The following FAM219A variants were observed in gnomAD, a reference collection of about 807,000 sequenced individuals.
FAM219A encodes the protein protein FAM219A.
In FAM219A, 7 loss-of-function variants were observed where a neutral mutation model predicts 23.4. The observed-to-expected ratio is 0.30, with a 90% CI of 0.17 to 0.56. FAM219A has a LOEUF of 0.56. Ranked by LOEUF, FAM219A falls within the 20% of genes least tolerant of loss-of-function variation. FAM219A has a pLI of 0.92. For synonymous variants in FAM219A, 93 were observed against 99.0 expected (o/e 0.94, Z 0.36); for missense variants, 166 against 246.9 (o/e 0.67, Z 2.20).
chr9:34,456,132 G>A (rs1823721666), intron 1 of FAM219A, among the ~76,000 whole-genome samples: 1 of 152,206 alleles, frequency 6.6e-6, no homozygotes, highest in South Asian at 2.1e-4. Context: ...GGTGGAGGTT[G>A]CATTGGGCCA....
At chr9:34,415,058 CT>C (rs1821948822) in intron 1 of FAM219A, among the ~76,000 whole-genome samples, 1 of 152,088 alleles carries the variant, frequency 6.6e-6, no homozygotes. Flanking sequence ...CTCAAGTGAC[CT>C]CCTGCCTTAG....
intron 1 of FAM219A, among the ~76,000 whole-genome samples, chr9:34,440,806 G>A (rs1231104170): frequency 2.7e-5 from 4 of 150,690 alleles, no homozygotes; most frequent in Non-Finnish European, 5.9e-5. Context: ...AGCCGAGATC[G>A]CGCCACTGCC....
Position 34,400,911 on chromosome 9 carries a change from G to A in FAM219A, c.*53C>T, listed in dbSNP as rs982196425. ...GCTGGGAAGGGGTCGGCCTCTGCCC[G>A]TCCTACCCGGCCCTTGGCGGCCCCG... is the stretch of plus-strand genomic sequence containing the variant. On this transcript the variant is annotated 3_prime_UTR_variant, in exon 6 of 6. Transcript: ENST00000651358. The A allele has an allele frequency of 2.3e-5, 34 of 1,471,120 alleles. No homozygotes were observed. Among genetic ancestry groups the A allele is most frequent in the South Asian group, 1.6e-4 (12 of 73,148 alleles). 91.1% of individuals were successfully genotyped at this position (1,471,120 alleles called of 1,614,324 possible). A position where few individuals can be genotyped will look rare whatever the true frequency, so the allele number is the denominator to read the frequency against.
chr9:34,446,183 A>G (rs1348571834), intron 1 of FAM219A, among the ~76,000 whole-genome samples: 1 of 151,932 alleles, frequency 6.6e-6, no homozygotes, highest in Non-Finnish European at 1.5e-5. Context: ...AAAAAAAAAA[A>G]AAAAATGCGG....
chr9:34,424,004 T>C (rs749591220), intron 1 of FAM219A, among the ~76,000 whole-genome samples: 18 of 151,838 alleles, frequency 1.2e-4, no homozygotes, highest in Non-Finnish European at 2.2e-4. Flanking sequence ...TAAGAAGGGC[T>C]TAGAGAAAAA....
At chr9:34,449,360 A>G (rs2132016848) in intron 1 of FAM219A, among the ~76,000 whole-genome samples, 1 of 152,374 alleles carries the variant, frequency 6.6e-6, no homozygotes, top group East Asian at 1.9e-4. Flanking sequence ...ATATCTCAAT[A>G]AAGTTGTCCA....
chr9:34,436,224 A>T (rs1016832017), intron 1 of FAM219A, among the ~76,000 whole-genome samples: 3 of 151,746 alleles, frequency 2.0e-5, no homozygotes, highest in Non-Finnish European at 4.4e-5. Context: ...GTATTTATTT[A>T]TAATTATTAT....
At chr9:34,405,497 T>C (rs1588032151) in intron 2 of FAM219A, among the ~76,000 whole-genome samples, 1 of 152,210 alleles carries the variant, frequency 6.6e-6, no homozygotes, top group East Asian at 1.9e-4. Context: ...CTTTCCTTTC[T>C]ATCCCTTAGA....
intron 1 of FAM219A, among the ~76,000 whole-genome samples, chr9:34,448,883 T>C (rs575434928): frequency 2.6e-5 from 4 of 152,008 alleles, no homozygotes; most frequent in Admixed American, 6.6e-5. Context: ...AAAGACTACA[T>C]GTTGGGTACA....
Position 34,398,494 on chromosome 9 carries a change from A to G in FAM219A, c.*2470T>C. On this transcript the variant is annotated 3_prime_UTR_variant, in exon 6 of 6. Coordinates refer to ENST00000651358, the MANE Select transcript of FAM219A (RefSeq NM_001184940.2). ...AGCCACACCCCTCCCTAGACACAGAAGCTGCCACTGCCAGCTTCCTGCCTC... is the reference window on the plus strand; with the variant it reads ...AGCCACACCCCTCCCTAGACACAGAGGCTGCCACTGCCAGCTTCCTGCCTC... The G allele has an allele frequency of 1.0e-6, 1 of 967,246 alleles. No homozygotes were observed. Among genetic ancestry groups the G allele is most frequent in the Non-Finnish European group, 1.5e-6 (1 of 651,672 alleles). 59.9% of individuals were successfully genotyped at this position (967,246 alleles called of 1,614,324 possible).
At chr9:34,434,095 G>A (rs1045983657) in intron 1 of FAM219A, among the ~76,000 whole-genome samples, 57 of 151,672 alleles carry the variant, frequency 3.8e-4, no homozygotes, top group African/African-American at 1.1e-3. Context: ...CCAGCTACTC[G>A]GGAGGCTGAG....
chr9:34,407,022 C>A (rs1028277961), intron 1 of FAM219A, among the ~76,000 whole-genome samples: 1 of 151,956 alleles, frequency 6.6e-6, no homozygotes, highest in Non-Finnish European at 1.5e-5. Flanking sequence ...AGGCTGGTCT[C>A]GAACTCCTGA....
intron 1 of FAM219A, among the ~76,000 whole-genome samples, chr9:34,445,244 ATCT>A (rs1823326901): frequency 6.6e-6 from 1 of 152,246 alleles, no homozygotes; most frequent in Non-Finnish European, 1.5e-5. Flanking sequence ...AAGAGCAAGT[ATCT>A]TCTTCACCAG....
chr9:34,443,413 C>T (rs1486687847), intron 1 of FAM219A, among the ~76,000 whole-genome samples: 1 of 152,132 alleles, frequency 6.6e-6, no homozygotes, highest in East Asian at 1.9e-4. Flanking sequence ...TCCAGCCTGG[C>T]CTCACCACAG....
At chr9:34,401,256 G>A in intron 5 of FAM219A, 134 bp from the exon 6 acceptor site, 2 of 1,132,000 alleles carry the variant, frequency 1.8e-6, no homozygotes, top group South Asian at 1.5e-5. Flanking sequence ...TCCCGGGTCT[G>A]TCTGTACCCC....
Position 34,400,929 on chromosome 9 carries a change from CGGCCCCGCCCCGGCGACCGCAGT to C in FAM219A, c.*12_*34del, listed in dbSNP as rs772829038. The C allele has an allele frequency of 1.2e-5, 18 of 1,496,036 alleles. No homozygotes were observed. Among genetic ancestry groups the C allele is most frequent in the East Asian group, 4.9e-5 (2 of 40,894 alleles). 92.7% of individuals were successfully genotyped at this position (1,496,036 alleles called of 1,614,324 possible). A position where few individuals can be genotyped will look rare whatever the true frequency, so the allele number is the denominator to read the frequency against. On this transcript the variant is annotated 3_prime_UTR_variant, in exon 6 of 6. Coordinates refer to ENST00000651358, the MANE Select transcript of FAM219A (RefSeq NM_001184940.2). The stretch of plus-strand genomic sequence containing the variant: ...TCTGCCCGTCCTACCCGGCCCTTGG[CGGCCCCGCCCCGGCGACCGCAGT>C]GGCCCCGCCCGCTACTGAATGTGGC...
intron 1 of FAM219A, among the ~76,000 whole-genome samples, chr9:34,413,013 A>G (rs1472535752): frequency 6.6e-6 from 1 of 152,196 alleles, no homozygotes; most frequent in Non-Finnish European, 1.5e-5. Context: ...GAGCTAGGGA[A>G]TACCAGACCT....
At chr9:34,427,418 TC>T (rs1173030722) in intron 1 of FAM219A, among the ~76,000 whole-genome samples, 2 of 152,204 alleles carry the variant, frequency 1.3e-5, no homozygotes, top group African/African-American at 4.8e-5. Context: ...AAAAGAAGCT[TC>T]CCATAAATGC....
intron 1 of FAM219A, among the ~76,000 whole-genome samples, chr9:34,421,870 T>A (rs1457428073): frequency 1.3e-5 from 2 of 152,192 alleles, no homozygotes; most frequent in Non-Finnish European, 2.9e-5. Context: ...TCTGATTCAG[T>A]AGGTCTGGAA....
Sources: allele counts gnomAD v4.1 joint callset (sites outside exome capture counted in the v4.1 genomes callset), GRCh38; gene constraint gnomAD v4.1.1; transcripts MANE v1.5; gene names NCBI Gene and HGNC (gene_info 2026-07-23, HGNC 2026-07-21).